The following SHOC2 variants were observed in gnomAD, a reference collection of about 807,000 sequenced individuals.
SHOC2 encodes leucine-rich repeat protein SHOC-2.
Under a neutral mutation model 50.2 loss-of-function variants are expected in SHOC2, and 4 were observed. The observed-to-expected ratio is 0.08, with a 90% confidence interval of 0.04 to 0.18. The LOEUF (loss-of-function observed/expected upper bound fraction) is 0.18, where lower values mean the gene tolerates loss of function less well. Among genes scored for constraint, SHOC2 ranks in the 10% least tolerant of loss-of-function variants. The probability of loss-of-function intolerance (pLI) is 1.00; values close to 1 mark genes in which losing one functional copy is unlikely to be tolerated. For missense variants in SHOC2, 388 were observed against 669.6 expected (o/e 0.58, Z 4.64); for synonymous variants, 218 against 244.5 (o/e 0.89, Z 1.01).
chr10:110,928,656 G>A (rs1051291855), intron 1 of SHOC2, among the ~76,000 whole-genome samples: 29 of 152,124 alleles, frequency 1.9e-4, no homozygotes, highest in African/African-American at 6.8e-4. Context: ...AGGAGTTTGG[G>A]AGGCTGAGGC....
intron 2 of SHOC2, among the ~76,000 whole-genome samples, chr10:110,969,912 T>A (rs1011890102): frequency 6.6e-6 from 1 of 152,170 alleles, no homozygotes; most frequent in Middle Eastern, 3.2e-3. Flanking sequence ...TAATGAGAAA[T>A]AATAATTGTA....
intron 1 of SHOC2, among the ~76,000 whole-genome samples, chr10:110,952,668 G>C (rs1462328328): frequency 6.6e-6 from 1 of 151,980 alleles, no homozygotes; most frequent in Non-Finnish European, 1.5e-5. Context: ...TCTAGGTTTT[G>C]AGCCCTGGCT....
intron 2 of SHOC2, among the ~76,000 whole-genome samples, chr10:110,984,735 A>G (rs752285474): frequency 6.6e-6 from 1 of 152,198 alleles, no homozygotes; most frequent in Non-Finnish European, 1.5e-5. Flanking sequence ...TTTCAACCAG[A>G]ATGGAAAGGG....
chr10:110,983,443 A>C (rs966828149), intron 2 of SHOC2, among the ~76,000 whole-genome samples: 1 of 152,122 alleles, frequency 6.6e-6, no homozygotes, highest in Admixed American at 6.6e-5. Context: ...TTGTAAGGTA[A>C]AAATTTAGTG....
At chr10:110,995,780 T>TAAG (rs1848257934) in intron 3 of SHOC2, among the ~76,000 whole-genome samples, 1 of 152,228 alleles carries the variant, frequency 6.6e-6, no homozygotes. Flanking sequence ...GTGTTCTCTT[T>TAAG]ATGGAGAAGA....
chr10:110,965,417 T>G (rs1847653858), intron 2 of SHOC2, among the ~76,000 whole-genome samples: 1 of 152,194 alleles, frequency 6.6e-6, no homozygotes, highest in African/African-American at 2.4e-5. Context: ...ATTAGATATA[T>G]GAAAACTACA....
Position 111,013,238 on chromosome 10 carries a change from T to C in SHOC2, c.*1420T>C, listed in dbSNP as rs1290232538. 2 of 152,018 alleles carry C rather than the reference T, an allele frequency of 1.3e-5. No individual in the cohort carries two copies. The highest frequency in any genetic ancestry group is 4.8e-5 in the African/African-American group (2 of 41,408). The allele number at this position is 152,018 out of a possible 1,614,324, so 9.4% of individuals were successfully genotyped here. On this transcript the variant is annotated 3_prime_UTR_variant, in exon 9 of 9. Transcript: ENST00000369452. ...CTCAGAGCAAGGTGCGTTCTAGATG[T>C]CATCCTAAAAAACACTTCATATATA...
At chr10:110,959,417 A>G (rs1247513466) in intron 1 of SHOC2, among the ~76,000 whole-genome samples, 1 of 152,264 alleles carries the variant, frequency 6.6e-6, no homozygotes, top group Non-Finnish European at 1.5e-5. Flanking sequence ...ACAGTATGCA[A>G]GGATAGTTCT....
Position 111,000,401 on chromosome 10 carries a change from G to T in SHOC2, c.842-14G>T, listed in dbSNP as rs1404568783. 6.2e-7 allele frequency: 1 copy of T among 1,612,996 alleles called. No individual in the cohort carries two copies. The highest frequency in any genetic ancestry group is 8.5e-7 in the Non-Finnish European group (1 of 1,179,384). On this transcript the variant is annotated splice_polypyrimidine_tract_variant and intron_variant, in intron 3 of 8. Transcript: ENST00000369452. ...TTGTAAAAAATAAATTTCTTTTTTT[G>T]TGTGTGTTTACAGGAAACCTGTCCA...
chr10:110,985,307 A>G (rs935068478), intron 2 of SHOC2, among the ~76,000 whole-genome samples: 1 of 152,164 alleles, frequency 6.6e-6, no homozygotes, highest in Non-Finnish European at 1.5e-5. Flanking sequence ...GGTTACTTAA[A>G]GAGGTTGGAA....
intron 2 of SHOC2, among the ~76,000 whole-genome samples, chr10:110,982,967 T>A (rs1310740323): frequency 6.6e-6 from 1 of 152,284 alleles, no homozygotes; most frequent in South Asian, 2.1e-4. Context: ...CTAGAATTTC[T>A]TTTTTGAAAA....
chr10:110,965,720 A>G (rs1847661262), intron 2 of SHOC2, among the ~76,000 whole-genome samples: 1 of 152,204 alleles, frequency 6.6e-6, no homozygotes, highest in African/African-American at 2.4e-5. Flanking sequence ...TACTAAAACA[A>G]AGAAAATGTT....
At chr10:110,994,694 C>G (rs1282467246) in intron 3 of SHOC2, among the ~76,000 whole-genome samples, 1 of 152,078 alleles carries the variant, frequency 6.6e-6, no homozygotes, top group African/African-American at 2.4e-5. Context: ...TAAGAAATCC[C>G]TGTATTTTTA....
intron 1 of SHOC2, among the ~76,000 whole-genome samples, chr10:110,962,099 T>C (rs921831746): frequency 3.3e-5 from 5 of 152,062 alleles, no homozygotes; most frequent in African/African-American, 4.8e-5. Flanking sequence ...AAAGTTTACT[T>C]TTTATTTCTT....
chr10:110,995,141 G>A (rs1179496648), intron 3 of SHOC2, among the ~76,000 whole-genome samples: 3 of 152,106 alleles, frequency 2.0e-5, no homozygotes, highest in East Asian at 3.8e-4. Flanking sequence ...TTTAGTTTCT[G>A]TAATTATTAA....
intron 1 of SHOC2, among the ~76,000 whole-genome samples, chr10:110,934,601 C>CCA (rs1177946980): frequency 6.6e-6 from 1 of 152,102 alleles, no homozygotes; most frequent in Non-Finnish European, 1.5e-5. Flanking sequence ...TTGCAGTGAA[C>CCA]ACTCCCTTTA....
At chr10:110,959,767 C>A (rs1564712822) in intron 1 of SHOC2, among the ~76,000 whole-genome samples, 1 of 152,186 alleles carries the variant, frequency 6.6e-6, no homozygotes, top group Non-Finnish European at 1.5e-5. Flanking sequence ...AAATGTCTGG[C>A]ACTGATTAAA....
chr10:110,979,884 TTTG>T (rs10672369), intron 2 of SHOC2, among the ~76,000 whole-genome samples: 1 of 151,964 alleles, frequency 6.6e-6, no homozygotes, highest in Admixed American at 6.5e-5. Context: ...ATCAGAGAAT[TTTG>T]TTGTTGTTCT....
chr10:110,982,958 T>G (rs1010970216), intron 2 of SHOC2, among the ~76,000 whole-genome samples: 1 of 152,184 alleles, frequency 6.6e-6, no homozygotes, highest in African/African-American at 2.4e-5. Context: ...CATCTGGACC[T>G]AGAATTTCTT....
Sources: allele counts gnomAD v4.1 joint callset (sites outside exome capture counted in the v4.1 genomes callset), GRCh38; gene constraint gnomAD v4.1.1; transcripts MANE v1.5; gene names NCBI Gene and HGNC (gene_info 2026-07-23, HGNC 2026-07-21).